The following VAV3 variants were observed in gnomAD, a reference collection of about 807,000 sequenced individuals.
VAV3 encodes guanine nucleotide exchange factor VAV3.
A neutral mutation model predicts 131.2 loss-of-function variants in VAV3; 94 were observed. The observed-to-expected ratio is 0.72, with a 90% CI of 0.61 to 0.85. The LOEUF (loss-of-function observed/expected upper bound fraction) is 0.85, where lower values mean the gene tolerates loss of function less well. Among genes scored for constraint, VAV3 ranks in the 40% least tolerant of loss-of-function variants. VAV3 has a pLI of 0.00. For missense variants in VAV3, 939 were observed against 1,002.7 expected, an observed-to-expected ratio of 0.94 and a Z score of 0.86; for synonymous variants, 349 against 342.0, an observed-to-expected ratio of 1.02 and a Z score of -0.22.
Position 107,964,718 on chromosome 1 carries a change from C to G in VAV3, c.152G>C (p.Arg51Pro), listed in dbSNP as rs1489704053. Residue 51 changes from arginine to proline, a missense_variant, in exon 1 of 27, where the codon CGG (arginine) becomes CCG (proline). By Grantham distance (103) the Arg-to-Pro change is moderately radical. Coordinates refer to ENST00000370056, the MANE Select transcript of VAV3 (RefSeq NM_006113.5). ...CTCCTTCAGGTTGATGGAGTGCGCC[C>G]GGAGGTTGTTAAGCAGCTGGCAGAG... ...VLLCQLLNNL[R>P]AHSINLKEIN... 6.2e-7 allele frequency: 1 copy of G among 1,614,098 alleles called. No individual in the cohort carries two copies. The highest frequency in any genetic ancestry group is 8.5e-7 in the Non-Finnish European group (1 of 1,179,998).
intron 4 of VAV3, among the ~76,000 whole-genome samples, chr1:107,775,205 T>C (rs1391664148): frequency 2.1e-5 from 2 of 96,858 alleles, no homozygotes; most frequent in Admixed American, 1.0e-4. Flanking sequence ...CCTGACATCA[T>C]GTCTGCCTAA....
chr1:107,720,692 T>C (rs10785828), intron 15 of VAV3, among the ~76,000 whole-genome samples: 106,200 of 152,002 alleles, frequency 0.7, 37,451 homozygotes, highest in South Asian at 0.79. Context: ...AGAAAAAGTG[T>C]AGTGCTTTAG....
At chr1:107,743,271 T>C (rs187642827) in intron 15 of VAV3, among the ~76,000 whole-genome samples, 1 of 151,860 alleles carries the variant, frequency 6.6e-6, no homozygotes, top group Non-Finnish European at 1.5e-5. Context: ...TGGGAAGAGG[T>C]AGGGAATAGC....
intron 25 of VAV3, among the ~76,000 whole-genome samples, chr1:107,580,138 G>T (rs1414115021): frequency 6.6e-6 from 1 of 152,222 alleles, no homozygotes; most frequent in Non-Finnish European, 1.5e-5. Flanking sequence ...GCAGGGGCCA[G>T]TTCTAATATT....
chr1:107,642,802 A>T (rs960906867), intron 19 of VAV3, 47 bp from the exon 20 acceptor site: 1 of 1,610,976 alleles, frequency 6.2e-7, no homozygotes, highest in Non-Finnish European at 8.5e-7. Flanking sequence ...ACAATGATGC[A>T]TGAAGTCTAC....
intron 7 of VAV3, 92 bp downstream of exon 7, chr1:107,768,347 CAA>C: frequency 1.1e-6 from 1 of 910,424 alleles, no homozygotes; most frequent in Non-Finnish European, 1.6e-6. Flanking sequence ...TTAAATAATA[CAA>C]AAGAGTATTA....
rs566039930 is a variant in VAV3, at chr1:107,614,749, A to T, written c.1980+2818T>A. On this transcript the variant is annotated intron_variant, in intron 21 of 26. Transcript: ENST00000370056. Reference sequence around the variant, plus strand: ...CATTTGCTTTTTCACTCCTTTGTTCATTCATTCAACAGTAATTTATTAAAT... The same window carrying T: ...CATTTGCTTTTTCACTCCTTTGTTCTTTCATTCAACAGTAATTTATTAAAT... Among the ~76,000 whole-genome samples the T allele has an allele frequency of 3.9e-5, 6 of 152,242 alleles. No individual in the cohort carries two copies. The South Asian group carries it at 1.0e-3, about 26-fold the overall frequency.
At chr1:107,841,111 T>C (rs1668685482) in intron 2 of VAV3, among the ~76,000 whole-genome samples, 1 of 152,102 alleles carries the variant, frequency 6.6e-6, no homozygotes, top group Non-Finnish European at 1.5e-5. Flanking sequence ...TGATGGGAGT[T>C]CCATTATATA....
intron 19 of VAV3, among the ~76,000 whole-genome samples, chr1:107,656,597 A>G (rs1656575425): frequency 1.3e-5 from 2 of 152,182 alleles, no homozygotes. Context: ...ATAGCCAGGA[A>G]AGCACAATTC....
chr1:107,892,392 A>G (rs1671351862), intron 1 of VAV3, among the ~76,000 whole-genome samples: 1 of 152,274 alleles, frequency 6.6e-6, no homozygotes, highest in Admixed American at 6.5e-5. Context: ...ATACAAAGAG[A>G]AGACAGGCCT....
At chr1:107,921,417 T>C (rs1672892654) in intron 1 of VAV3, among the ~76,000 whole-genome samples, 1 of 152,246 alleles carries the variant, frequency 6.6e-6, no homozygotes, top group African/African-American at 2.4e-5. Context: ...TAAACATGGC[T>C]ATTTTTCCCC....
chr1:107,899,036 T>G (rs1359683226), intron 1 of VAV3, among the ~76,000 whole-genome samples: 2 of 152,002 alleles, frequency 1.3e-5, no homozygotes, highest in African/African-American at 4.8e-5. Context: ...AACAAACAAA[T>G]GAGTTCAATA....
At chr1:107,931,581 A>G (rs1054852313) in intron 1 of VAV3, among the ~76,000 whole-genome samples, 1 of 152,234 alleles carries the variant, frequency 6.6e-6, no homozygotes, top group African/African-American at 2.4e-5. Flanking sequence ...TATTCAAATG[A>G]TACAGATTAT....
intron 1 of VAV3, among the ~76,000 whole-genome samples, chr1:107,886,683 A>G (rs1671051842): frequency 6.6e-6 from 1 of 152,130 alleles, no homozygotes; most frequent in South Asian, 2.1e-4. Context: ...GTTTGTACAA[A>G]CTTGTACTTT....
intron 2 of VAV3, among the ~76,000 whole-genome samples, chr1:107,843,040 G>T (rs1444640166): frequency 6.6e-6 from 1 of 152,016 alleles, no homozygotes; most frequent in Non-Finnish European, 1.5e-5. Flanking sequence ...TGAATTCCTG[G>T]TTCCACTTGT....
At chr1:107,663,409 T>A (rs977035803) in intron 19 of VAV3, among the ~76,000 whole-genome samples, 2 of 152,208 alleles carry the variant, frequency 1.3e-5, no homozygotes, top group African/African-American at 4.8e-5. Flanking sequence ...TTGGAAAGGC[T>A]TTGAAAATAT....
At chr1:107,737,033 G>C (rs976683860) in intron 15 of VAV3, among the ~76,000 whole-genome samples, 36 of 152,090 alleles carry the variant, frequency 2.4e-4, no homozygotes, top group African/African-American at 7.0e-4. Flanking sequence ...CAGAATAGAG[G>C]CCTCAGAAAT....
At chr1:107,739,892 T>C (rs1195691143) in intron 15 of VAV3, among the ~76,000 whole-genome samples, 1 of 152,206 alleles carries the variant, frequency 6.6e-6, no homozygotes, top group African/African-American at 2.4e-5. Context: ...TTTTCCTTAG[T>C]ATGCCCTCCA....
intron 19 of VAV3, among the ~76,000 whole-genome samples, chr1:107,677,279 C>A (rs1357845389): frequency 6.6e-6 from 1 of 152,092 alleles, no homozygotes; most frequent in African/African-American, 2.4e-5. Flanking sequence ...CTCCTGAAAT[C>A]AATTGGATAT....
Sources: allele counts gnomAD v4.1 joint callset (sites outside exome capture counted in the v4.1 genomes callset), GRCh38; gene constraint gnomAD v4.1.1; transcripts MANE v1.5; gene names NCBI Gene and HGNC (gene_info 2026-07-23, HGNC 2026-07-21).